The following MTUS2 variants were observed in gnomAD, a reference collection of about 807,000 sequenced individuals.
MTUS2 encodes microtubule associated scaffold protein 2, also known as microtubule-associated tumor suppressor candidate 2.
MTUS2 carries 40 observed loss-of-function variants against 114.1 expected under a neutral mutation model. The ratio of observed to expected loss-of-function variants is 0.35; its 90% confidence interval spans 0.27 to 0.46. The LOEUF is 0.46. Among genes scored for constraint, MTUS2 ranks in the 20% least tolerant of loss-of-function variants. The probability of loss-of-function intolerance (pLI) is 1.00; values close to 1 mark genes in which losing one functional copy is unlikely to be tolerated. For synonymous variants in MTUS2, 688 were observed against 672.0 expected, an observed-to-expected ratio of 1.02 and a Z score of -0.37; for missense variants, 1,679 against 1,705.4, an observed-to-expected ratio of 0.98 and a Z score of 0.27.
At chr13:29,155,478 T>C (rs1892821225) in intron 5 of MTUS2, among the ~76,000 whole-genome samples, 1 of 152,186 alleles carries the variant, frequency 6.6e-6, no homozygotes, top group Non-Finnish European at 1.5e-5. Context: ...CACACTTCAC[T>C]GCCTCAGCAC....
rs1319624741 is a variant in MTUS2, at chr13:28,828,419, TTAAAG to T, written c.-316+7814_-316+7818del. On this transcript the variant is annotated intron_variant, in intron 1 of 15. Transcript: ENST00000612955. Reference sequence around the variant, plus strand: ...TTATGAAGATGACAGGATTAAGCAATTAAAGTAAAGACAGGCATAGGAAATCACAA... The same window carrying T: ...TTATGAAGATGACAGGATTAAGCAATTAAAGACAGGCATAGGAAATCACAA... Among the ~76,000 whole-genome samples, 11 of 152,264 alleles carry T rather than the reference TTAAAG, an allele frequency of 7.2e-5. 1 individual carries two copies. The highest frequency in any genetic ancestry group is 2.1e-4 in the South Asian group (1 of 4,818).
intron 2 of MTUS2, among the ~76,000 whole-genome samples, chr13:28,872,189 G>A (rs1046981353): frequency 6.6e-6 from 1 of 152,146 alleles, no homozygotes; most frequent in African/African-American, 2.4e-5. Flanking sequence ...ATGGACCTTG[G>A]TGCTGGTGGC....
At chr13:29,318,391 C>CTTTTTTTTTTTTTTCTTTTTT (rs71090240) in intron 6 of MTUS2, among the ~76,000 whole-genome samples, 3 of 135,038 alleles carry the variant, frequency 2.2e-5, no homozygotes, top group African/African-American at 5.7e-5. Context: ...ATTTCTTTTT[C>CTTTTTTTTTTTTTTCTTTTTT]TTTTTTTTTT....
chr13:29,074,099 C>A (rs1193262764), intron 4 of MTUS2, among the ~76,000 whole-genome samples: 5 of 152,076 alleles, frequency 3.3e-5, no homozygotes, highest in Non-Finnish European at 5.9e-5. Context: ...TTCCACATAG[C>A]AAATCATACC....
chr13:29,086,983 C>A (rs1889720027), intron 4 of MTUS2, among the ~76,000 whole-genome samples: 1 of 152,112 alleles, frequency 6.6e-6, no homozygotes, highest in African/African-American at 2.4e-5. Context: ...GGACGTTTAT[C>A]ATTTCTAGGA....
At chr13:29,475,001 CAAAAT>C (rs1388299374) in intron 9 of MTUS2, among the ~76,000 whole-genome samples, 1 of 152,114 alleles carries the variant, frequency 6.6e-6, no homozygotes, top group African/African-American at 2.4e-5. Context: ...TTTCTAAAAA[CAAAAT>C]AAATGATTAG....
intron 6 of MTUS2, among the ~76,000 whole-genome samples, chr13:29,311,845 T>G (rs1016241477): frequency 2.0e-5 from 3 of 152,322 alleles, no homozygotes; most frequent in East Asian, 3.9e-4. Flanking sequence ...TAGCCTCCAG[T>G]TGGAGTTTCA....
At chr13:29,269,034 A>G (rs541984315) in intron 5 of MTUS2, among the ~76,000 whole-genome samples, 1 of 152,352 alleles carries the variant, frequency 6.6e-6, no homozygotes, top group African/African-American at 2.4e-5. Context: ...AACTACAAGA[A>G]TATGAGCTCC....
At chr13:29,051,620 A>C (rs1415069676) in intron 4 of MTUS2, among the ~76,000 whole-genome samples, 1 of 152,216 alleles carries the variant, frequency 6.6e-6, no homozygotes, top group Non-Finnish European at 1.5e-5. Context: ...GTGGAAAACC[A>C]GAAGAATATG....
intron 5 of MTUS2, among the ~76,000 whole-genome samples, chr13:29,235,231 G>A (rs7984562): frequency 0.76 from 115,355 of 151,878 alleles, 43,942 homozygotes; most frequent in East Asian, 0.89. Context: ...CGAGTAGCTG[G>A]GATAGGCATG....
chr13:29,000,279 A>T (rs1165017287), intron 2 of MTUS2, among the ~76,000 whole-genome samples: 1 of 152,126 alleles, frequency 6.6e-6, no homozygotes, highest in Non-Finnish European at 1.5e-5. Flanking sequence ...ACTTTTGTTT[A>T]TCTGGGAATG....
chr13:28,915,936 A>T (rs1880721065), intron 2 of MTUS2, among the ~76,000 whole-genome samples: 1 of 151,844 alleles, frequency 6.6e-6, no homozygotes, highest in Admixed American at 6.6e-5. Context: ...GAGGTCTTAG[A>T]TTTCTAAGTC....
Position 28,911,701 on chromosome 13 carries a change from C to G in MTUS2, c.-243+71851C>G, listed in dbSNP as rs970802922. Among the ~76,000 whole-genome samples the G allele has an allele frequency of 3.3e-5, 5 of 152,184 alleles. No individual in the cohort carries two copies. The East Asian group carries it at 9.7e-4, about 29-fold the overall frequency. ...GACTTTTTAATAATTGTCATTCTGA[C>G]TGGTATGAGATAGTATCTCATTGTG... On this transcript the variant is annotated intron_variant, in intron 2 of 15. Transcript: ENST00000612955.
chr13:29,358,709 A>C (rs1869963856), intron 7 of MTUS2, among the ~76,000 whole-genome samples: 1 of 152,198 alleles, frequency 6.6e-6, no homozygotes, highest in African/African-American at 2.4e-5. Context: ...AGGAGACCTC[A>C]CAATACATTG....
intron 8 of MTUS2, among the ~76,000 whole-genome samples, chr13:29,375,051 C>A (rs1871470700): frequency 6.6e-6 from 1 of 152,142 alleles, no homozygotes; most frequent in South Asian, 2.1e-4. Flanking sequence ...TGGAACCAAC[C>A]TAAATGCTTA....
intron 8 of MTUS2, among the ~76,000 whole-genome samples, chr13:29,401,248 C>A (rs1874321200): frequency 6.6e-6 from 1 of 152,184 alleles, no homozygotes; most frequent in South Asian, 2.1e-4. Flanking sequence ...GGGTGACGCA[C>A]CCACCTAGGC....
Position 29,503,282 on chromosome 13 carries a change from C to G in MTUS2, c.*76C>G. ...CCCTGAGGGAGCACCGACCCGGTGC[C>G]GCCGGAGCTGGCCCTGTGCGCATGC... On this transcript the variant is annotated 3_prime_UTR_variant, in exon 16 of 16. Coordinates refer to ENST00000612955, the MANE Select transcript of MTUS2 (RefSeq NM_001033602.4). The G allele has an allele frequency of 2.6e-6, 4 of 1,528,428 alleles. No homozygotes were observed. Among genetic ancestry groups the G allele is most frequent in the Non-Finnish European group, 3.6e-6 (4 of 1,117,632 alleles). The allele number at this position is 1,528,428 out of a possible 1,614,324, so 94.7% of individuals were successfully genotyped here.
chr13:29,339,703 AG>A, intron 7 of MTUS2: 1 of 190,022 alleles, frequency 5.3e-6, no homozygotes. Context: ...TCCAGGCCTC[AG>A]GGACCATCTC....
intron 7 of MTUS2, among the ~76,000 whole-genome samples, chr13:29,345,026 G>A (rs564561065): frequency 1.2e-4 from 19 of 152,244 alleles, no homozygotes; most frequent in Admixed American, 3.3e-4. Flanking sequence ...TGAAAAATTC[G>A]CTGTTAATCT....
Sources: gnomAD v4.1 joint callset for allele counts (sites outside exome capture counted in the v4.1 genomes callset) on GRCh38, gnomAD v4.1.1 for gene constraint, MANE v1.5 for transcripts, NCBI Gene and HGNC (gene_info 2026-07-23, HGNC 2026-07-21) for gene names.